C6orf89: variants seen among roughly 807,000 people sequenced by gnomAD.
C6orf89 encodes chromosome 6 open reading frame 89.
Under a neutral mutation model 40.7 loss-of-function variants are expected in C6orf89, and 29 were observed. The observed-to-expected ratio is 0.71, with a 90% CI of 0.53 to 0.97. C6orf89 has a LOEUF of 0.97. C6orf89 is among the 50% of genes least tolerant of loss of function. The probability of loss-of-function intolerance (pLI) is 0.00; values close to 1 mark genes in which losing one functional copy is unlikely to be tolerated. For missense variants in C6orf89, 392 were observed against 429.1 expected (o/e 0.91, Z 0.76); for synonymous variants, 165 against 152.2 (o/e 1.08, Z -0.62).
chr6:36,872,905 G>A (rs1355796879), intron 1 of C6orf89, among the ~76,000 whole-genome samples: 1 of 152,180 alleles, frequency 6.6e-6, no homozygotes, highest in African/African-American at 2.4e-5. Flanking sequence ...TATGGCACCT[G>A]GCCAGATGTG....
chr6:36,874,863 G>A (rs1774609059), intron 1 of C6orf89: 2 of 1,421,818 alleles, frequency 1.4e-6, no homozygotes, highest in Non-Finnish European at 2.0e-6. Context: ...CTTCCGGTCC[G>A]TTCAACCCTT....
chr6:36,882,691 G>T (rs1354676169), upstream of C6orf89, among the ~76,000 whole-genome samples: 4 of 148,918 alleles, frequency 2.7e-5, no homozygotes, highest in Middle Eastern at 3.6e-3. Flanking sequence ...TTTATAAAGA[G>T]ATTTCATTCA....
In C6orf89 at chr6:36,924,660, T is replaced by TC. The variant is rs1491229413; in HGVS notation, c.*1220dup. ...TCTTTTCCTGTTCCTTTTATTTTTT[T>TC]CTCTCTTTATTATTCTTTTATTGAC... On this transcript the variant is annotated 3_prime_UTR_variant, in exon 9 of 9. Transcript: ENST00000480824. 4 of 152,220 alleles carry TC rather than the reference T, an allele frequency of 2.6e-5. No individual in the cohort carries two copies. The highest frequency in any genetic ancestry group is 9.7e-5 in the African/African-American group (4 of 41,438). The allele number at this position is 152,220 out of a possible 1,614,324, so 9.4% of individuals were successfully genotyped here. A position where few individuals can be genotyped will look rare whatever the true frequency, so the allele number is the denominator to read the frequency against.
intron 7 of C6orf89, among the ~76,000 whole-genome samples, chr6:36,917,868 A>G (rs1027409844): frequency 2.1e-4 from 32 of 152,244 alleles, no homozygotes; most frequent in African/African-American, 7.5e-4. Flanking sequence ...AGCGTGTGCA[A>G]CACCAAGGAG....
At position 36,924,793 on chromosome 6, in the gene C6orf89, G is replaced by A. The variant is rs1309186243; in HGVS notation, c.*1352G>A. The A allele has an allele frequency of 1.3e-5, 2 of 152,194 alleles. No individual in the cohort carries two copies. Among genetic ancestry groups the A allele is most frequent in the African/African-American group, 4.8e-5 (2 of 41,438 alleles). The allele number at this position is 152,194 out of a possible 1,614,324, so 9.4% of individuals were successfully genotyped here. On this transcript the variant is annotated 3_prime_UTR_variant, in exon 9 of 9. Coordinates refer to ENST00000480824, the MANE Select transcript of C6orf89 (RefSeq NM_001286635.2). ...GCAGAAATCAAAGGATGCAGTAGGTGTCTATGTCAGAATTATGGATCAGAG... is the reference window on the plus strand; with the variant it reads ...GCAGAAATCAAAGGATGCAGTAGGTATCTATGTCAGAATTATGGATCAGAG...
At chr6:36,893,037 C>T (rs916237692) in intron 1 of C6orf89, among the ~76,000 whole-genome samples, 1 of 151,804 alleles carries the variant, frequency 6.6e-6, no homozygotes, top group Admixed American at 6.6e-5. Flanking sequence ...TGGGGTCACG[C>T]CATTCTCCTG....
chr6:36,890,902 A>G (rs1410334524), intron 1 of C6orf89, among the ~76,000 whole-genome samples: 3 of 152,182 alleles, frequency 2.0e-5, no homozygotes, highest in Non-Finnish European at 4.4e-5. Context: ...TTTAAATCGT[A>G]TTAATCATTT....
chr6:36,885,924 G>T (rs757856311), upstream of C6orf89: 413 of 1,113,564 alleles, frequency 3.7e-4, no homozygotes, highest in Non-Finnish European at 4.3e-4. Flanking sequence ...GGAGTGGGGG[G>T]TTGCTTCCGG....
chr6:36,891,276 A>G (rs6927474), intron 1 of C6orf89, among the ~76,000 whole-genome samples: 2,041 of 152,202 alleles, frequency 0.013, 37 homozygotes, highest in African/African-American at 0.045. Flanking sequence ...AGTTTGCTCA[A>G]AATGATGGTT....
At chr6:36,905,042 C>T (rs1184120748) in intron 4 of C6orf89, among the ~76,000 whole-genome samples, 2 of 152,214 alleles carry the variant, frequency 1.3e-5, no homozygotes, top group African/African-American at 2.4e-5. Context: ...TGCAGCGAGT[C>T]ATGGAAACAT....
chr6:36,886,163 TCA>T (rs1357322193), intron 1 of C6orf89, 135 bp downstream of exon 1: 2 of 820,362 alleles, frequency 2.4e-6, no homozygotes, highest in Non-Finnish European at 3.3e-6. Flanking sequence ...ATCCCTTTTC[TCA>T]GTCTCTCCAG....
intron 4 of C6orf89, among the ~76,000 whole-genome samples, chr6:36,905,814 CAT>C (rs1049084277): frequency 2.0e-5 from 3 of 152,138 alleles, no homozygotes; most frequent in African/African-American, 7.2e-5. Flanking sequence ...TAATCTAGTA[CAT>C]ACCCCATTTT....
rs201485677 is a variant in C6orf89 at position 36,876,759 on chromosome 6, AGAAG to A, written c.-627-2248_-627-2245del. Among the ~76,000 whole-genome samples the A allele has an allele frequency of 3.1e-3, 459 of 147,008 alleles. 2 individuals are homozygous for A. The highest frequency in any genetic ancestry group is 5.9e-3 in the South Asian group (27 of 4,576). ...AAAAAAAAGAAGAAGAAGAAGAAGA[AGAAG>A]AAACACAGTTTTCCCTGAGCTCTGG... On this transcript the variant is annotated intron_variant, in intron 1 of 9. Coordinates refer to the C6orf89 transcript ENST00000359359.
At chr6:36,891,270 T>A (rs1002531798) in intron 1 of C6orf89, among the ~76,000 whole-genome samples, 2 of 152,210 alleles carry the variant, frequency 1.3e-5, no homozygotes, top group Middle Eastern at 3.2e-3. Context: ...TGCGATAGTT[T>A]GCTCAAAATG....
chr6:36,926,591 GAAA>G lies in C6orf89; in HGVS notation c.*3151_*3153del, dbSNP rs1762685929. 1 of 128,600 alleles carries G rather than the reference GAAA, an allele frequency of 7.8e-6. No homozygotes were observed. Among genetic ancestry groups the G allele is most frequent in the South Asian group, 3.0e-4 (1 of 3,330 alleles). The allele number at this position is 128,600 out of a possible 1,614,324, so 8.0% of individuals were successfully genotyped here. ...AGAGAAAAGAAGAGGGGAGGGGAGG[GAAA>G]GGGAAGGGAGGGGAGGGGAGGAGAG... On this transcript the variant is annotated 3_prime_UTR_variant, in exon 9 of 9. Transcript: ENST00000480824.
At chr6:36,902,074 G>A (rs1341806764) in intron 3 of C6orf89, 147 bp from the exon 4 acceptor site, 1 of 662,472 alleles carries the variant, frequency 1.5e-6, no homozygotes, top group East Asian at 2.7e-5. Context: ...TCTTCCAGAA[G>A]TAAACCTAAG....
chr6:36,882,940 C>T (rs1458034758), upstream of C6orf89, among the ~76,000 whole-genome samples: 7 of 151,590 alleles, frequency 4.6e-5, no homozygotes, highest in Non-Finnish European at 8.8e-5. Context: ...GGGGTTTCAC[C>T]TTGTTAGCCA....
At chr6:36,894,652 A>G in intron 2 of C6orf89, 49 bp downstream of exon 2, 1 of 681,766 alleles carries the variant, frequency 1.5e-6, no homozygotes, top group Non-Finnish European at 1.8e-6. Flanking sequence ...ACTTGGGTTC[A>G]CATCCTGGCA....
At chr6:36,882,734 CTT>C (rs1178360256), upstream of C6orf89, among the ~76,000 whole-genome samples, 38 of 46,342 alleles carry the variant, frequency 8.2e-4, no homozygotes, top group African/African-American at 2.2e-3. Context: ...TTTCTTTTTT[CTT>C]TTTTTTTTTT....
Sources: allele counts gnomAD v4.1 joint callset (sites outside exome capture counted in the v4.1 genomes callset), GRCh38; gene constraint gnomAD v4.1.1; transcripts MANE v1.5; gene names NCBI Gene and HGNC (gene_info 2026-07-23, HGNC 2026-07-21).